PAMR1: variants seen among roughly 807,000 people sequenced by gnomAD.
The protein encoded by PAMR1 is peptidase domain containing associated with muscle regeneration 1.
A neutral mutation model predicts 81.8 loss-of-function variants in PAMR1; 88 were observed. The observed-to-expected ratio is 1.08, with a 90% confidence interval of 0.91 to 1.28. The LOEUF (loss-of-function observed/expected upper bound fraction) is 1.28, where lower values mean the gene tolerates loss of function less well. Ranked by LOEUF, PAMR1 falls within the 50% of genes most tolerant of loss-of-function variation. PAMR1 has a pLI of 0.00. For missense variants in PAMR1, 935 were observed against 919.7 expected (o/e 1.02, Z -0.21); for synonymous variants, 336 against 345.3 (o/e 0.97, Z 0.30).
At position 35,468,113 on chromosome 11, in the gene PAMR1, A is replaced by G; in HGVS notation, c.713-5T>C. On this transcript the variant is annotated splice_polypyrimidine_tract_variant and splice_region_variant and intron_variant, in intron 5 of 10. Coordinates refer to ENST00000619888, the MANE Select transcript of PAMR1 (RefSeq NM_001001991.3). Reference sequence around the variant, plus strand: ...AACAAGGGGATGAGGAGCATGCTGTAAGAGAAAAGGCATCCTTCAGTGCCA... The same window carrying G: ...AACAAGGGGATGAGGAGCATGCTGTGAGAGAAAAGGCATCCTTCAGTGCCA... 6.5e-7 allele frequency: 1 copy of G among 1,539,180 alleles called. No homozygotes were observed. Among genetic ancestry groups the G allele is most frequent in the East Asian group, 2.4e-5 (1 of 40,916 alleles).
chr11:35,448,424 C>T (rs139531632), intron 6 of PAMR1, among the ~76,000 whole-genome samples: 290 of 152,104 alleles, frequency 1.9e-3, no homozygotes, highest in African/African-American at 6.3e-3. Context: ...TCCATTTTGT[C>T]TATTCAGCTA....
At chr11:35,517,688 A>C (rs1163846110) in intron 1 of PAMR1, among the ~76,000 whole-genome samples, 1 of 152,226 alleles carries the variant, frequency 6.6e-6, no homozygotes. Context: ...CTTTTGCTGA[A>C]TATCTCCCAG....
chr11:35,441,589 T>C lies in PAMR1; in HGVS notation c.925A>G (p.Thr309Ala), dbSNP rs1207569751. ...TTGTTACAAAAGAAAGACACCACGG[T>C]GCCAATTTTAGCATGGCGTCCGTTG... ...LINGRHAKIG[T>A]VVSFFCNNSY... The change falls in exon 7 of 11, where the codon ACC becomes GCC. Residue 309 changes from threonine (T) to alanine (A), a missense_variant. Thr to Ala is a moderately conservative substitution (Grantham distance 58). Coordinates refer to ENST00000619888, the MANE Select transcript of PAMR1 (RefSeq NM_001001991.3). 1 of 1,614,008 alleles carries C rather than the reference T, an allele frequency of 6.2e-7. No homozygotes were observed.
At chr11:35,477,914 C>T (rs956145969) in intron 3 of PAMR1, among the ~76,000 whole-genome samples, 3 of 152,156 alleles carry the variant, frequency 2.0e-5, no homozygotes, top group African/African-American at 7.2e-5. Flanking sequence ...CACTCCTCAT[C>T]GCCCCCATCT....
At chr11:35,467,655 G>A (rs1856780755) in intron 6 of PAMR1, among the ~76,000 whole-genome samples, 1 of 152,178 alleles carries the variant, frequency 6.6e-6, no homozygotes, top group South Asian at 2.1e-4. Context: ...CTAAAATACA[G>A]ATCTTAGAAT....
At position 35,445,576 on chromosome 11, in the gene PAMR1, CTG is replaced by C. The variant is rs574792191; in HGVS notation, c.821-3885_821-3884del. On this transcript the variant is annotated intron_variant, in intron 6 of 10. Coordinates refer to ENST00000619888, the MANE Select transcript of PAMR1 (RefSeq NM_001001991.3). ...ATGTTGAATTTTATCAAAGGCTTTT[CTG>C]TGTCTATTTAATCATGTTTTTTCAT... Among the ~76,000 whole-genome samples the C allele has an allele frequency of 7.0e-4, 91 of 130,774 alleles. 3 individuals carry two copies. In the East Asian group the frequency reaches 0.015, roughly 22 times the overall value. The allele number at this position is 130,774 out of a possible 152,430, so 85.8% of individuals were successfully genotyped here. A position where few individuals can be genotyped will look rare whatever the true frequency, so the allele number is the denominator to read the frequency against.
At chr11:35,493,076 C>T (rs548953945) in intron 2 of PAMR1, among the ~76,000 whole-genome samples, 1 of 152,288 alleles carries the variant, frequency 6.6e-6, no homozygotes, top group Admixed American at 6.5e-5. Context: ...TTCTTCCCTT[C>T]CCTCTCCTAT....
At chr11:35,445,247 C>T (rs746414687) in intron 6 of PAMR1, among the ~76,000 whole-genome samples, 7 of 152,104 alleles carry the variant, frequency 4.6e-5, no homozygotes, top group Non-Finnish European at 1.0e-4. Flanking sequence ...TGGTCTGAGA[C>T]GATGGGGTTT....
intron 1 of PAMR1, 41 bp from the exon 2 acceptor site, chr11:35,494,313 G>A: frequency 2.6e-6 from 4 of 1,522,602 alleles, no homozygotes; most frequent in Non-Finnish European, 2.7e-6. Flanking sequence ...GTCCTGGCAG[G>A]GAGTGGTAAG....
chr11:35,457,321 C>T (rs768433684), intron 6 of PAMR1, among the ~76,000 whole-genome samples: 5 of 152,084 alleles, frequency 3.3e-5, no homozygotes, highest in Non-Finnish European at 7.4e-5. Flanking sequence ...GGGAATCCAT[C>T]TCTGCCCTCA....
chr11:35,435,528 A>C (rs1373603990), intron 9 of PAMR1, among the ~76,000 whole-genome samples: 1 of 152,160 alleles, frequency 6.6e-6, no homozygotes, highest in Non-Finnish European at 1.5e-5. Flanking sequence ...ATTGCTTAAT[A>C]ACAAGTACCT....
intron 1 of PAMR1, among the ~76,000 whole-genome samples, chr11:35,512,294 C>T (rs766749136): frequency 2.0e-5 from 3 of 152,122 alleles, no homozygotes; most frequent in Non-Finnish European, 4.4e-5. Flanking sequence ...ATATATGAGC[C>T]CTTGACACAT....
chr11:35,524,848 A>G (rs1851355413), intron 1 of PAMR1, among the ~76,000 whole-genome samples: 1 of 152,182 alleles, frequency 6.6e-6, no homozygotes, highest in Admixed American at 6.5e-5. Flanking sequence ...AAAATGATAT[A>G]TGAAAACCAA....
chr11:35,525,847 C>A, upstream of PAMR1: 1 of 539,414 alleles, frequency 1.9e-6, no homozygotes, highest in South Asian at 2.3e-5. Context: ...CCGCGGACGG[C>A]GGCTGCAAAG....
intron 6 of PAMR1, among the ~76,000 whole-genome samples, chr11:35,456,373 G>A (rs967511519): frequency 6.6e-6 from 1 of 152,312 alleles, no homozygotes; most frequent in Admixed American, 6.5e-5. Flanking sequence ...ATTGCAGTGG[G>A]TTCATACCAC....
chr11:35,496,214 T>A (rs1850724596), intron 1 of PAMR1, among the ~76,000 whole-genome samples: 1 of 152,234 alleles, frequency 6.6e-6, no homozygotes, highest in African/African-American at 2.4e-5. Context: ...GATTTGGCTA[T>A]GGATTCTTAG....
chr11:35,506,330 T>C (rs1379445647), intron 1 of PAMR1, among the ~76,000 whole-genome samples: 1 of 152,034 alleles, frequency 6.6e-6, no homozygotes, highest in African/African-American at 2.4e-5. Context: ...AATTTTAGTA[T>C]TAGAGTATTC....
chr11:35,466,681 C>T (rs1268815316), intron 6 of PAMR1, among the ~76,000 whole-genome samples: 10 of 141,864 alleles, frequency 7.0e-5, no homozygotes, highest in African/African-American at 2.7e-4. Context: ...GAGCCGAGAT[C>T]GCGCCACTGC....
chr11:35,498,948 T>C (rs561899076), intron 1 of PAMR1, among the ~76,000 whole-genome samples: 1 of 152,352 alleles, frequency 6.6e-6, no homozygotes, highest in Non-Finnish European at 1.5e-5. Flanking sequence ...GAGAATCGTT[T>C]TCTGTTCTCA....
Sources: gnomAD v4.1 joint callset for allele counts (sites outside exome capture counted in the v4.1 genomes callset) on GRCh38, gnomAD v4.1.1 for gene constraint, MANE v1.5 for transcripts, NCBI Gene and HGNC (gene_info 2026-07-23, HGNC 2026-07-21) for gene names.